The following GLRA3 variants were observed in gnomAD, a reference collection of about 807,000 sequenced individuals.
GLRA3 encodes the protein glycine receptor alpha 3.
In GLRA3, 44 loss-of-function variants were observed where a neutral mutation model predicts 60.4. The ratio of observed to expected loss-of-function variants is 0.73; its 90% confidence interval spans 0.57 to 0.94. GLRA3 has a LOEUF of 0.94. GLRA3 is among the 40% of genes least tolerant of loss of function. The pLI, the probability that GLRA3 is intolerant of heterozygous loss-of-function variation, is 0.00. For missense variants in GLRA3, 508 were observed against 564.6 expected (o/e 0.90, Z 1.02); for synonymous variants, 223 against 192.9 (o/e 1.16, Z -1.29).
intron 1 of GLRA3, among the ~76,000 whole-genome samples, chr4:174,790,076 CA>C (rs1230687508): frequency 6.6e-6 from 1 of 152,202 alleles, no homozygotes; most frequent in African/African-American, 2.4e-5. Context: ...AAAATCTCAT[CA>C]ATCTTGGTGA....
intron 4 of GLRA3, among the ~76,000 whole-genome samples, chr4:174,717,213 T>TAAA (rs542669937): frequency 8.5e-5 from 9 of 106,028 alleles, no homozygotes; most frequent in Non-Finnish European, 1.5e-4. Flanking sequence ...TCTTGTCTCT[T>TAAA]AAAAAAAAAA....
rs200565657 is a variant in GLRA3, at chr4:174,721,893, GTGTA to G, written c.492-6327_492-6324del. 8.7e-3 allele frequency among the ~76,000 whole-genome samples: 1,324 copies of G among 151,584 alleles called. 21 individuals are homozygous for G. The highest frequency in any genetic ancestry group is 0.03 in the African/African-American group (1,256 of 41,294). On this transcript the variant is annotated intron_variant, in intron 4 of 9. Transcript: ENST00000274093. ...TATGTGTGTGTATATATATATGTGT[GTGTA>G]TGTGTGTATGTGTATATATGTGTAT...
intron 9 of GLRA3, among the ~76,000 whole-genome samples, chr4:174,649,439 T>C (rs559638138): frequency 1.3e-5 from 2 of 152,190 alleles, no homozygotes; most frequent in Non-Finnish European, 2.9e-5. Context: ...TCTTGGCATC[T>C]CTGGCTTGAG....
intron 4 of GLRA3, among the ~76,000 whole-genome samples, chr4:174,726,450 T>C (rs1395232674): frequency 2.0e-5 from 3 of 152,158 alleles, no homozygotes; most frequent in Non-Finnish European, 4.4e-5. Flanking sequence ...TGGGCTGGAG[T>C]AGAGCAGTTG....
chr4:174,728,562 T>C lies in GLRA3; in HGVS notation c.404A>G (p.Asn135Ser). 26 of 1,613,510 alleles carry C rather than the reference T, an allele frequency of 1.6e-5. No individual in the cohort carries two copies. The highest frequency in any genetic ancestry group is 2.1e-5 in the Non-Finnish European group (25 of 1,179,438). Residue 135 changes from asparagine to serine, a missense_variant, in exon 4 of 10, where the codon AAT becomes AGT. Coordinates refer to ENST00000274093, the MANE Select transcript of GLRA3 (RefSeq NM_006529.4). ...TTCATGAAAGTTGGCACCCTTTTCATTGGCAAAGAACAAATCAGGTTTCCA... is the reference window on the plus strand; with the variant it reads ...TTCATGAAAGTTGGCACCCTTTTCACTGGCAAAGAACAAATCAGGTTTCCA... ...SIWKPDLFFA[N>S]EKGANFHEVT...
intron 7 of GLRA3, among the ~76,000 whole-genome samples, chr4:174,660,642 T>A (rs4362800): frequency 0.3 from 46,207 of 152,144 alleles, 8,076 homozygotes; most frequent in Admixed American, 0.48. Context: ...CACACACTAG[T>A]TTTAACATTC....
chr4:174,799,477 C>G (rs943149729), intron 1 of GLRA3, among the ~76,000 whole-genome samples: 4 of 152,172 alleles, frequency 2.6e-5, no homozygotes, highest in Non-Finnish European at 5.9e-5. Context: ...TAAGTCGTAA[C>G]TGAGAGGCTA....
In GLRA3 at chr4:174,806,990, A is replaced by G. The variant is rs187624216; in HGVS notation, c.72-18047T>C. Among the ~76,000 whole-genome samples the G allele has an allele frequency of 4.0e-3, 610 of 152,212 alleles. 7 individuals are homozygous for G. Among genetic ancestry groups the G allele is most frequent in the African/African-American group, 0.014 (580 of 41,582 alleles). On this transcript the variant is annotated intron_variant, in intron 1 of 9. Transcript: ENST00000274093. ...AACAGAAAATAAACAAAATAAACAT[A>G]TACATAATCAAGACAGTTAGAGACT...
intron 1 of GLRA3, among the ~76,000 whole-genome samples, chr4:174,818,408 T>C (rs1740595178): frequency 6.6e-6 from 1 of 152,164 alleles, no homozygotes; most frequent in Admixed American, 6.6e-5. Context: ...CAGGGAATGA[T>C]ATGTACTTTG....
Position 174,829,086 on chromosome 4 carries a change from G to C in GLRA3, c.-275C>G, listed in dbSNP as rs1160366796. 2.9e-6 allele frequency: 1 copy of C among 339,762 alleles called. No homozygotes were observed. The highest frequency in any genetic ancestry group is 2.1e-5 in the African/African-American group (1 of 47,388). The allele number at this position is 339,762 out of a possible 1,614,324, so 21.0% of individuals were successfully genotyped here. On this transcript the variant is annotated 5_prime_UTR_variant, in exon 1 of 10. Transcript: ENST00000274093. ...GAAATGTCTGAAGTGCCTAGGTGCT[G>C]GGCAACAGTTCTCTAAAGCTCCAGC...
In GLRA3 at chr4:174,706,477, A is replaced by G. The variant is rs925279503; in HGVS notation, c.574+9011T>C. On this transcript the variant is annotated intron_variant, in intron 5 of 9. Transcript: ENST00000274093. ...CTGAAAAAGTATACAAAAGTGAAGTAAAGGAGGTAAATGATAAGCCAAACA... is the reference window on the plus strand; with the variant it reads ...CTGAAAAAGTATACAAAAGTGAAGTGAAGGAGGTAAATGATAAGCCAAACA... 3.3e-5 allele frequency among the ~76,000 whole-genome samples: 5 copies of G among 152,354 alleles called. No homozygotes were observed. In the East Asian group the frequency reaches 5.8e-4, roughly 18 times the overall value.
chr4:174,793,555 C>T (rs1435975499), intron 1 of GLRA3, among the ~76,000 whole-genome samples: 1 of 151,842 alleles, frequency 6.6e-6, no homozygotes, highest in African/African-American at 2.4e-5. Context: ...TGGGCTTAAG[C>T]GATCCTCCTG....
intron 9 of GLRA3, among the ~76,000 whole-genome samples, chr4:174,648,967 G>A (rs889304556): frequency 6.6e-6 from 1 of 152,104 alleles, no homozygotes; most frequent in African/African-American, 2.4e-5. Flanking sequence ...AACCCTGTTC[G>A]ATCTGTTCTT....
intron 3 of GLRA3, among the ~76,000 whole-genome samples, chr4:174,752,505 C>T (rs1217021647): frequency 1.3e-5 from 2 of 151,962 alleles, no homozygotes; most frequent in Non-Finnish European, 2.9e-5. Flanking sequence ...GAGGCAACTC[C>T]ATTGGAGAGA....
chr4:174,699,249 G>T (rs139791611), intron 5 of GLRA3, among the ~76,000 whole-genome samples: 1 of 152,066 alleles, frequency 6.6e-6, no homozygotes, highest in African/African-American at 2.4e-5. Context: ...TCATCAACCC[G>T]TCTCAGCCTC....
chr4:174,687,781 G>A (rs1734601301), intron 5 of GLRA3, among the ~76,000 whole-genome samples: 1 of 152,144 alleles, frequency 6.6e-6, no homozygotes, highest in South Asian at 2.1e-4. Flanking sequence ...AAGTGTGTCA[G>A]CTGTTTGGAA....
rs147409488 is a variant in GLRA3 at position 174,715,662 on chromosome 4, C to G, written c.492-92G>C. 365 of 602,392 alleles carry G rather than the reference C, an allele frequency of 6.1e-4. 1 individual carries two copies. Among genetic ancestry groups the G allele is most frequent in the African/African-American group, 4.7e-3 (253 of 53,268 alleles). 37.3% of individuals were successfully genotyped at this position (602,392 alleles called of 1,614,324 possible). A position where few individuals can be genotyped will look rare whatever the true frequency, so the allele number is the denominator to read the frequency against. ...AGAAACAATGTTGCTTTGCTGGTGACTAACTCAGATTTAAGTAAAAATTTC... is the reference window on the plus strand; with the variant it reads ...AGAAACAATGTTGCTTTGCTGGTGAGTAACTCAGATTTAAGTAAAAATTTC... On this transcript the variant is annotated intron_variant, in intron 4 of 9. Transcript: ENST00000274093.
chr4:174,778,747 T>TACTGCGC (rs1290459336), intron 2 of GLRA3, among the ~76,000 whole-genome samples: 3 of 152,244 alleles, frequency 2.0e-5, no homozygotes, highest in Non-Finnish European at 2.9e-5. Context: ...CCCACCCGAA[T>TACTGCGC]ACTGCGCTTT....
At chr4:174,769,376 A>G (rs553835691) in intron 2 of GLRA3, among the ~76,000 whole-genome samples, 9 of 152,080 alleles carry the variant, frequency 5.9e-5, no homozygotes, top group Non-Finnish European at 1.3e-4. Flanking sequence ...CCCCAGCCAA[A>G]CAATAGAATA....
Sources: gnomAD v4.1 joint callset for allele counts (sites outside exome capture counted in the v4.1 genomes callset) on GRCh38, gnomAD v4.1.1 for gene constraint, MANE v1.5 for transcripts, NCBI Gene and HGNC (gene_info 2026-07-23, HGNC 2026-07-21) for gene names.